Variants in KYAT1 observed in about 807,000 individuals in gnomAD.
KYAT1 encodes kynurenine aminotransferase 1.
Under a neutral mutation model 52.4 loss-of-function variants are expected in KYAT1, and 47 were observed. The observed-to-expected ratio is 0.90, with a 90% CI of 0.71 to 1.14. KYAT1 has a LOEUF of 1.14. KYAT1 is among the 50% of genes most tolerant of loss of function. The probability of loss-of-function intolerance (pLI) is 0.00; values close to 1 mark genes in which losing one functional copy is unlikely to be tolerated. For synonymous variants in KYAT1, 212 were observed against 209.6 expected, an observed-to-expected ratio of 1.01 and a Z score of -0.10; for missense variants, 480 against 557.9, an observed-to-expected ratio of 0.86 and a Z score of 1.41.
chr9:128,858,875 GCT>G (rs1343957794), intron 1 of KYAT1, among the ~76,000 whole-genome samples: 3 of 151,404 alleles, frequency 2.0e-5, no homozygotes, highest in African/African-American at 7.3e-5. Context: ...GGACATGGTG[GCT>G]CATACCTGTA....
At chr9:128,855,550 A>G (rs1432031329) in intron 1 of KYAT1, among the ~76,000 whole-genome samples, 1 of 152,202 alleles carries the variant, frequency 6.6e-6, no homozygotes, top group East Asian at 1.9e-4. Context: ...GTTGTGTAAA[A>G]CCCTCTTATA....
At chr9:128,863,716 T>C (rs1835780438) in intron 1 of KYAT1, among the ~76,000 whole-genome samples, 1 of 152,112 alleles carries the variant, frequency 6.6e-6, no homozygotes, top group Non-Finnish European at 1.5e-5. Flanking sequence ...ACTTGGGGGC[T>C]TGTGGGTGTG....
intron 1 of KYAT1, among the ~76,000 whole-genome samples, chr9:128,869,449 C>T (rs1156822343): frequency 6.6e-6 from 1 of 152,204 alleles, no homozygotes; most frequent in African/African-American, 2.4e-5. Flanking sequence ...GCGTGAGCCA[C>T]CGTACCCGGC....
intron 1 of KYAT1, among the ~76,000 whole-genome samples, chr9:128,846,083 C>A (rs1476729188): frequency 2.0e-5 from 3 of 152,192 alleles, no homozygotes; most frequent in Non-Finnish European, 4.4e-5. Context: ...CTCGCCCCTC[C>A]CCTCCCGGTG....
chr9:128,864,031 T>G (rs1835831781), intron 1 of KYAT1, among the ~76,000 whole-genome samples: 1 of 151,960 alleles, frequency 6.6e-6, no homozygotes, highest in Non-Finnish European at 1.5e-5. Flanking sequence ...TTTCCTGTGC[T>G]AGGTGCCCCG....
At chr9:128,875,177 C>T (rs981510400) in intron 1 of KYAT1, among the ~76,000 whole-genome samples, 1 of 151,498 alleles carries the variant, frequency 6.6e-6, no homozygotes, top group Non-Finnish European at 1.5e-5. Context: ...CTGTGAACAG[C>T]TGCAGAGTTG....
intron 1 of KYAT1, among the ~76,000 whole-genome samples, chr9:128,874,003 C>T (rs1426501109): frequency 6.6e-6 from 1 of 151,170 alleles, no homozygotes; most frequent in East Asian, 2.0e-4. Flanking sequence ...CACCTGTAAC[C>T]CCAGCACTTT....
At chr9:128,856,752 A>G (rs951582575) in intron 1 of KYAT1, among the ~76,000 whole-genome samples, 4 of 152,238 alleles carry the variant, frequency 2.6e-5, no homozygotes, top group Admixed American at 6.5e-5. Flanking sequence ...GGCACAACGC[A>G]CTGCGGAAAG....
At chr9:128,857,003 A>G (rs1241381341) in intron 1 of KYAT1, among the ~76,000 whole-genome samples, 4 of 152,364 alleles carry the variant, frequency 2.6e-5, no homozygotes, top group African/African-American at 9.6e-5. Context: ...ACCTGATTAT[A>G]CATTTGTTCA....
At position 128,866,464 on chromosome 9, in the gene KYAT1, T is replaced by A. The variant is rs188683845; in HGVS notation, c.-7+15433A>T. Among the ~76,000 whole-genome samples, 218 of 151,142 alleles carry A rather than the reference T, an allele frequency of 1.4e-3. 1 individual carries two copies. The highest frequency in any genetic ancestry group is 4.0e-3 in the Admixed American group (60 of 15,090). ...AAATACAAAAATTAGCCGGGTGTGG[T>A]GGCAGGCACCTGTAATCCCAGCTAC... On this transcript the variant is annotated intron_variant, in intron 1 of 12. Coordinates refer to ENST00000302586, the MANE Select transcript of KYAT1 (RefSeq NM_004059.5).
chr9:128,838,425 G>C, intron 3 of KYAT1, 58 bp from the exon 4 acceptor site: 1 of 1,604,330 alleles, frequency 6.2e-7, no homozygotes, highest in Admixed American at 1.7e-5. Flanking sequence ...CTCCGGCCCA[G>C]CTGTATCCAG....
At chr9:128,875,925 TCCAGGGGCTGATGTCAATAAC>T (rs572355310) in intron 1 of KYAT1, among the ~76,000 whole-genome samples, 349 of 152,210 alleles carry the variant, frequency 2.3e-3, no homozygotes, top group Middle Eastern at 0.014. Flanking sequence ...ACTGATGCAT[TCCAGGGGCTGATGTCAATAAC>T]CCAGGGGCTG....
chr9:128,847,142 C>T (rs932866309), intron 1 of KYAT1, among the ~76,000 whole-genome samples: 2 of 152,164 alleles, frequency 1.3e-5, no homozygotes, highest in African/African-American at 2.4e-5. Flanking sequence ...AACCCCACCG[C>T]GCCTGGCTCA....
chr9:128,874,477 A>AT lies in KYAT1; in HGVS notation c.-7+7419dup, dbSNP rs201177365. Among the ~76,000 whole-genome samples, 938 of 139,784 alleles carry AT rather than the reference A, an allele frequency of 6.7e-3. 10 individuals are homozygous for AT. Among genetic ancestry groups the AT allele is most frequent in the African/African-American group, 0.017 (655 of 38,540 alleles). 91.7% of individuals were successfully genotyped at this position (139,784 alleles called of 152,430 possible). On this transcript the variant is annotated intron_variant, in intron 1 of 12. Coordinates refer to ENST00000302586, the MANE Select transcript of KYAT1 (RefSeq NM_004059.5). ...TAAGCACGAACCACCATGCTCAGCT[A>AT]TTTTTTTTTTTTTGTAAAGATGGGG...
intron 2 of KYAT1, among the ~76,000 whole-genome samples, chr9:128,843,993 A>AGCCT (rs1832670568): frequency 2.6e-5 from 4 of 152,296 alleles, no homozygotes; most frequent in Admixed American, 2.0e-4. Flanking sequence ...ACAGCCAGCC[A>AGCCT]GCCTTTCTAC....
At chr9:128,881,580 T>TG (rs1404643357) in intron 1 of KYAT1, among the ~76,000 whole-genome samples, 2 of 152,066 alleles carry the variant, frequency 1.3e-5, no homozygotes, top group African/African-American at 2.4e-5. Context: ...GCTGCAGAGT[T>TG]GGAGTCTGGG....
chr9:128,878,525 A>AT (rs1008638175), intron 1 of KYAT1, among the ~76,000 whole-genome samples: 5 of 151,964 alleles, frequency 3.3e-5, no homozygotes, highest in South Asian at 4.1e-4. Flanking sequence ...ATGAATCCAA[A>AT]TTTTTTTTGA....
chr9:128,836,594 C>T lies in KYAT1; in HGVS notation c.688+208G>A, dbSNP rs543169151. Reference sequence around the variant, plus strand: ...GATTACAGGTGTGACCCACCATGCTCGGCATAGGATTTCTTTGACCTCATC... The same window carrying T: ...GATTACAGGTGTGACCCACCATGCTTGGCATAGGATTTCTTTGACCTCATC... On this transcript the variant is annotated intron_variant, in intron 7 of 12. Transcript: ENST00000302586. 1.2e-4 allele frequency among the ~76,000 whole-genome samples: 19 copies of T among 152,164 alleles called. 1 individual carries two copies. The South Asian group carries it at 2.1e-3, about 17-fold the overall frequency.
At chr9:128,876,992 G>A (rs575159100) in intron 1 of KYAT1, among the ~76,000 whole-genome samples, 9 of 151,994 alleles carry the variant, frequency 5.9e-5, no homozygotes, top group Admixed American at 4.6e-4. Flanking sequence ...TCTGCCTCCC[G>A]GGTTCAAGTG....
Sources: allele counts gnomAD v4.1 joint callset (sites outside exome capture counted in the v4.1 genomes callset), GRCh38; gene constraint gnomAD v4.1.1; transcripts MANE v1.5; gene names NCBI Gene and HGNC (gene_info 2026-07-23, HGNC 2026-07-21).